GLRA2: variants seen among roughly 807,000 people sequenced by gnomAD.
GLRA2 encodes the protein glycine receptor alpha 2.
In GLRA2, 11 loss-of-function variants were observed where a neutral mutation model predicts 31.6. That is an observed-to-expected ratio of 0.35 (90% CI 0.22 to 0.58). The LOEUF is 0.58. Ranked by LOEUF, GLRA2 falls within the 20% of genes least tolerant of loss-of-function variation. The pLI is 0.84. For synonymous variants in GLRA2, 132 were observed against 134.0 expected, an observed-to-expected ratio of 0.99 and a Z score of 0.10; for missense variants, 212 against 351.8, an observed-to-expected ratio of 0.60 and a Z score of 3.18.
chrX:14,474,385 G>C, the GLRA2 span, among the ~76,000 whole-genome samples: 1 of 111,490 alleles, frequency 9.0e-6, no homozygotes, highest in African/African-American at 3.3e-5. Flanking sequence ...GTGTCCTTTT[G>C]GGCTTAGGGG....
chrX:14,723,987 C>T (rs777674336), intron 8 of GLRA2, among the ~76,000 whole-genome samples: 11 of 111,827 alleles, frequency 9.8e-5, no homozygotes, highest in African/African-American at 2.9e-4. Flanking sequence ...ACTGGATCCC[C>T]GGCACATAGC....
rs1157722406 is a variant in GLRA2 at position 14,681,891 on chromosome X, CAAAAA to C, written c.931-8803_931-8799del. 6.8e-3 allele frequency among the ~76,000 whole-genome samples: 180 copies of C among 26,463 alleles called. 3 individuals carry two copies. The highest frequency in any genetic ancestry group is 0.011 in the Non-Finnish European group (138 of 12,042). 23.0% of individuals were successfully genotyped at this position (26,463 alleles called of 115,157 possible). On this transcript the variant is annotated intron_variant, in intron 7 of 8. Transcript: ENST00000218075. The stretch of plus-strand genomic sequence containing the variant: ...TGGGCAACAGTGCGAGACACCATCT[CAAAAA>C]AAAAAAAAAAAAAAATATATATATA...
chrX:14,597,551 G>A (rs929254227), intron 4 of GLRA2, among the ~76,000 whole-genome samples: 4 of 110,993 alleles, frequency 3.6e-5, no homozygotes, highest in African/African-American at 9.8e-5. Flanking sequence ...CTGGGTTGCC[G>A]GGAGAGGCTG....
At chrX:14,470,579 A>T in the GLRA2 span, among the ~76,000 whole-genome samples, 3 of 111,537 alleles carry the variant, frequency 2.7e-5, no homozygotes, top group East Asian at 8.4e-4. Context: ...TCTGAATAAT[A>T]GTCTTTATGT....
At chrX:14,641,586 C>T (rs760262688) in intron 7 of GLRA2, among the ~76,000 whole-genome samples, 5 of 111,319 alleles carry the variant, frequency 4.5e-5, no homozygotes, top group South Asian at 3.9e-4. Context: ...AGGAGATCAT[C>T]GGAATAGACC....
the GLRA2 span, among the ~76,000 whole-genome samples, chrX:14,482,567 C>T: frequency 9.0e-6 from 1 of 111,049 alleles, no homozygotes; most frequent in East Asian, 2.8e-4. Context: ...TAAGATAATG[C>T]ATATAAAAGC....
intron 7 of GLRA2, among the ~76,000 whole-genome samples, chrX:14,681,913 A>ATATATATATATATATATGTG (rs2091213692): frequency 1.7e-5 from 1 of 59,813 alleles, no homozygotes; most frequent in African/African-American, 5.8e-5. Context: ...AAAAAAAAAT[A>ATATATATATATATATATGTG]TATATATATA....
At chrX:14,575,083 C>A (rs760386822) in intron 3 of GLRA2, among the ~76,000 whole-genome samples, 2 of 108,939 alleles carry the variant, frequency 1.8e-5, no homozygotes, top group African/African-American at 3.4e-5. Context: ...CATATGAATG[C>A]CTTTTCCAAA....
the GLRA2 span, among the ~76,000 whole-genome samples, chrX:14,484,019 G>A: frequency 3.6e-5 from 4 of 111,346 alleles, no homozygotes; most frequent in Admixed American, 3.8e-4. Flanking sequence ...ACTCAGACTG[G>A]TTCTCCTTGC....
At chrX:14,473,328 T>A in the GLRA2 span, among the ~76,000 whole-genome samples, 7 of 112,028 alleles carry the variant, frequency 6.2e-5, no homozygotes, top group African/African-American at 1.3e-4. Flanking sequence ...CAAATTGAGG[T>A]GCCTATAAAT....
chrX:14,615,718 C>T (rs2090446715), intron 7 of GLRA2, among the ~76,000 whole-genome samples: 1 of 111,201 alleles, frequency 9.0e-6, no homozygotes, highest in Non-Finnish European at 1.9e-5. Context: ...ATTTGGGCTA[C>T]ACTTTTAAAA....
At chrX:14,560,797 CAAAAAAAAAA>C (rs760583127) in intron 2 of GLRA2, among the ~76,000 whole-genome samples, 2 of 41,262 alleles carry the variant, frequency 4.8e-5, no homozygotes, top group Admixed American at 3.7e-4. Flanking sequence ...GACCCTGTCT[CAAAAAAAAAA>C]AAAAAAAAAA....
At chrX:14,511,877 A>G in the GLRA2 span, among the ~76,000 whole-genome samples, 1 of 111,771 alleles carries the variant, frequency 8.9e-6, no homozygotes, top group African/African-American at 3.3e-5. Context: ...ATTATTTCCC[A>G]TTCTACTAAA....
At position 14,581,196 on chromosome X, in the gene GLRA2, A is replaced by T. The variant is rs1162111164; in HGVS notation, c.284A>T (p.Asn95Ile). 2 of 1,166,077 alleles carry T rather than the reference A, an allele frequency of 1.7e-6. No individual in the cohort carries two copies. Among genetic ancestry groups the T allele is most frequent in the Non-Finnish European group, 2.3e-6 (2 of 853,776 alleles). The change falls in exon 4 of 9, where the codon AAT (asparagine) becomes ATT (isoleucine). Residue 95 changes from asparagine (N) to isoleucine (I), a missense_variant. By Grantham distance (149) the Asn-to-Ile change is moderately radical (BLOSUM62 -3). Around this residue, in one of 5 missense-constraint regions of GLRA2, gnomAD observed 110 missense variants for 232.6 expected, o/e 0.47. Coordinates refer to ENST00000218075, the MANE Select transcript of GLRA2 (RefSeq NM_002063.4). Reference sequence around the variant, plus strand: ...GCATTTCTGTAGGACTACCGAGTGAATATTTTTCTGAGACAACAGTGGAAT... The same window carrying T: ...GCATTTCTGTAGGACTACCGAGTGATTATTTTTCTGAGACAACAGTGGAAT... Reference protein sequence around the residue: ...VTETTMDYRVNIFLRQQWNDS... With the variant: ...VTETTMDYRVIIFLRQQWNDS...
chrX:14,546,750 T>C (rs946205898), intron 2 of GLRA2, among the ~76,000 whole-genome samples: 1 of 111,380 alleles, frequency 9.0e-6, no homozygotes, highest in Non-Finnish European at 1.9e-5. Context: ...GAAGGAATCT[T>C]TGTGATGCTC....
chrX:14,611,457 T>G (rs943403262), intron 7 of GLRA2, among the ~76,000 whole-genome samples: 1 of 113,251 alleles, frequency 8.8e-6, no homozygotes, highest in Non-Finnish European at 1.9e-5. Flanking sequence ...GGCAAGCCCA[T>G]GCACATGCAC....
At chrX:14,558,291 T>C (rs1470293339) in intron 2 of GLRA2, among the ~76,000 whole-genome samples, 2 of 112,257 alleles carry the variant, frequency 1.8e-5, no homozygotes, top group Non-Finnish European at 3.8e-5. Context: ...ATGCCTTCCA[T>C]ACATTATTAC....
intron 8 of GLRA2, among the ~76,000 whole-genome samples, chrX:14,706,924 G>A (rs746310482): frequency 6.2e-5 from 7 of 112,002 alleles, no homozygotes; most frequent in Non-Finnish European, 7.5e-5. Context: ...GCTGAATGTC[G>A]TACAGCCAAT....
intron 7 of GLRA2, among the ~76,000 whole-genome samples, chrX:14,663,645 T>C (rs1601811491): frequency 9.0e-6 from 1 of 111,608 alleles, no homozygotes; most frequent in Non-Finnish European, 1.9e-5. Flanking sequence ...AAGTACGATT[T>C]ATTTAATAAT....
Sources: gnomAD v4.1 joint callset for allele counts (sites outside exome capture counted in the v4.1 genomes callset) on GRCh38, gnomAD v4.1.1 for gene constraint, gnomAD v4.1.1 regional missense constraint, MANE v1.5 for transcripts, NCBI Gene and HGNC (gene_info 2026-07-23, HGNC 2026-07-21) for gene names.